Variants in GALNTL6 observed in about 807,000 individuals in gnomAD.
GALNTL6 encodes polypeptide N-acetylgalactosaminyltransferase-like 6.
Under a neutral mutation model 73.7 loss-of-function variants are expected in GALNTL6, and 46 were observed. The ratio of observed to expected loss-of-function variants is 0.62; its 90% CI spans 0.49 to 0.80. GALNTL6 has a LOEUF of 0.80. Among genes scored for constraint, GALNTL6 ranks in the 30% least tolerant of loss-of-function variants. The pLI is 0.00. For synonymous variants in GALNTL6, 259 were observed against 263.7 expected (o/e 0.98, Z 0.17); for missense variants, 604 against 755.0 (o/e 0.80, Z 2.34).
In GALNTL6 at chr4:172,952,115, C is replaced by G. The variant is rs1749474985; in HGVS notation, c.1228C>G (p.Leu410Val). 11 of 1,614,122 alleles carry G rather than the reference C, an allele frequency of 6.8e-6. No individual in the cohort carries two copies. Among genetic ancestry groups the G allele is most frequent in the Non-Finnish European group, 9.3e-6 (11 of 1,179,998 alleles). Residue 410 changes from leucine to valine, a missense_variant, in exon 10 of 13, where the codon CTC becomes GTC. Coordinates refer to ENST00000506823, the MANE Select transcript of GALNTL6 (RefSeq NM_001034845.3). The part of the protein sequence containing the change: ...IYQRRPEYRH[L>V]STGDISAQKE... ...CCAGCGGCGGCCGGAGTACAGGCATCTCTCCACGGGGGACATCTCTGCCCA... is the reference window on the plus strand; with the variant it reads ...CCAGCGGCGGCCGGAGTACAGGCATGTCTCCACGGGGGACATCTCTGCCCA...
chr4:172,230,513 G>A (rs1168342728), intron 3 of GALNTL6, among the ~76,000 whole-genome samples: 1 of 151,652 alleles, frequency 6.6e-6, no homozygotes. Context: ...CCCGGGGGGT[G>A]GAGCTTGCAG....
chr4:172,606,974 CTG>C (rs1444642256), intron 5 of GALNTL6, among the ~76,000 whole-genome samples: 7 of 151,678 alleles, frequency 4.6e-5, no homozygotes, highest in African/African-American at 1.7e-4. Flanking sequence ...GATGAAGAAA[CTG>C]TGGTTACTCT....
At chr4:171,974,026 GTC>G (rs1739646409) in intron 2 of GALNTL6, among the ~76,000 whole-genome samples, 1 of 151,976 alleles carries the variant, frequency 6.6e-6, no homozygotes, top group South Asian at 2.1e-4. Flanking sequence ...TTTTGAAAGA[GTC>G]TTGCTCTGTC....
chr4:172,823,532 T>C (rs1579528232), intron 7 of GALNTL6, among the ~76,000 whole-genome samples: 2 of 152,290 alleles, frequency 1.3e-5, no homozygotes, highest in East Asian at 3.9e-4. Context: ...TAAGGTTGTG[T>C]ATATTTGAAA....
Position 172,952,102 on chromosome 4 carries a change from G to C in GALNTL6, c.1215G>C (p.Pro405=), listed in dbSNP as rs758739433. The change falls in exon 10 of 13, where the codon CCG becomes CCC. Residue 405 remains proline, a synonymous_variant. Transcript: ENST00000506823. ...CCGAGTACATTTACCAGCGGCGGCC[G>C]GAGTACAGGCATCTCTCCACGGGGG... ...EFAEYIYQRR[P]EYRHLSTGDI... is the part of the protein sequence containing the mutation. The C allele has an allele frequency of 4.3e-6, 7 of 1,614,104 alleles. No homozygotes were observed. The East Asian group carries it at 8.9e-5, about 21-fold the overall frequency.
chr4:172,402,189 G>A (rs1265200536), intron 5 of GALNTL6, among the ~76,000 whole-genome samples: 1 of 151,930 alleles, frequency 6.6e-6, no homozygotes, highest in African/African-American at 2.4e-5. Flanking sequence ...TCTCATTTGG[G>A]AGCTTTAGGC....
intron 7 of GALNTL6, among the ~76,000 whole-genome samples, chr4:172,821,600 C>G (rs756238151): frequency 6.6e-6 from 1 of 152,154 alleles, no homozygotes; most frequent in East Asian, 1.9e-4. Flanking sequence ...GAAATGTCAA[C>G]AATGCCAGCT....
At chr4:172,298,991 T>C (rs1048332375) in intron 3 of GALNTL6, among the ~76,000 whole-genome samples, 3 of 152,238 alleles carry the variant, frequency 2.0e-5, no homozygotes, top group African/African-American at 4.8e-5. Context: ...TGAATCCATC[T>C]GGTCCTGGAC....
chr4:172,210,854 T>C (rs1736301049), intron 2 of GALNTL6, among the ~76,000 whole-genome samples: 1 of 152,216 alleles, frequency 6.6e-6, no homozygotes. Context: ...ACTTTATTTA[T>C]TTATTCAATC....
intron 2 of GALNTL6, among the ~76,000 whole-genome samples, chr4:172,152,390 T>C (rs578075842): frequency 6.6e-6 from 1 of 152,164 alleles, no homozygotes; most frequent in South Asian, 2.1e-4. Context: ...ACCATTGCCA[T>C]GGAGTTTGTA....
In GALNTL6 at chr4:172,436,437, A is replaced by G. The variant is rs531355190; in HGVS notation, c.553+87748A>G. On this transcript the variant is annotated intron_variant, in intron 5 of 12. Coordinates refer to ENST00000506823, the MANE Select transcript of GALNTL6 (RefSeq NM_001034845.3). ...TCCTTGCACTGTGGTTCTCCCCAGG[A>G]GACACCTGGGGGAGAGAAACAGGTA... Among the ~76,000 whole-genome samples the G allele has an allele frequency of 5.3e-5, 8 of 152,214 alleles. No homozygotes were observed. In the South Asian group the frequency reaches 1.2e-3, roughly 24 times the overall value.
chr4:172,824,013 T>C (rs1291353168), intron 7 of GALNTL6, among the ~76,000 whole-genome samples: 1 of 152,068 alleles, frequency 6.6e-6, no homozygotes. Context: ...CAAAAATCCA[T>C]GCTCGAGAGC....
chr4:172,715,867 A>C (rs145718413), intron 5 of GALNTL6, among the ~76,000 whole-genome samples: 1 of 152,306 alleles, frequency 6.6e-6, no homozygotes, highest in East Asian at 1.9e-4. Context: ...TTGTGAGTTA[A>C]TCCAAACAAA....
At chr4:172,213,090 A>C (rs1736384923) in intron 2 of GALNTL6, among the ~76,000 whole-genome samples, 1 of 126,262 alleles carries the variant, frequency 7.9e-6, no homozygotes, top group African/African-American at 2.5e-5. Context: ...AATGCATTTA[A>C]GTTTCATCCT....
intron 5 of GALNTL6, among the ~76,000 whole-genome samples, chr4:172,433,895 T>G (rs1731549160): frequency 1.3e-5 from 2 of 152,164 alleles, no homozygotes; most frequent in African/African-American, 4.8e-5. Flanking sequence ...TACACAGGTT[T>G]GTAACACTTT....
intron 2 of GALNTL6, among the ~76,000 whole-genome samples, chr4:172,228,090 G>C (rs1736927838): frequency 1.3e-5 from 2 of 151,990 alleles, no homozygotes; most frequent in African/African-American, 4.8e-5. Flanking sequence ...TACTTTCTTT[G>C]TATAGCTGAG....
At chr4:172,025,771 T>C (rs1019249603) in intron 2 of GALNTL6, among the ~76,000 whole-genome samples, 13 of 151,864 alleles carry the variant, frequency 8.6e-5, no homozygotes, top group African/African-American at 3.1e-4. Context: ...GTACTAACCC[T>C]AAATAAGCAG....
chr4:172,768,209 G>A (rs1366179327), intron 5 of GALNTL6, among the ~76,000 whole-genome samples: 1 of 152,110 alleles, frequency 6.6e-6, no homozygotes, highest in Admixed American at 6.5e-5. Flanking sequence ...TACCCTTGGA[G>A]GTATATAAAC....
chr4:171,967,561 T>G (rs1739428559), intron 2 of GALNTL6, among the ~76,000 whole-genome samples: 1 of 151,962 alleles, frequency 6.6e-6, no homozygotes, highest in East Asian at 1.9e-4. Flanking sequence ...TATCAGCTGG[T>G]GCATTTCATG....
Sources: allele counts gnomAD v4.1 joint callset (sites outside exome capture counted in the v4.1 genomes callset), GRCh38; gene constraint gnomAD v4.1.1; transcripts MANE v1.5; gene names NCBI Gene and HGNC (gene_info 2026-07-23, HGNC 2026-07-21).